The following NAALADL2 variants were observed in gnomAD, a reference collection of about 807,000 sequenced individuals.
The protein encoded by NAALADL2 is inactive N-acetylated-alpha-linked acidic dipeptidase-like protein 2.
NAALADL2 carries 76 observed loss-of-function variants against 87.2 expected under a neutral mutation model. The observed-to-expected ratio is 0.87, with a 90% CI of 0.72 to 1.05. NAALADL2 has a LOEUF of 1.05. Ranked by LOEUF, NAALADL2 falls within the 50% of genes least tolerant of loss-of-function variation. The pLI is 0.00. For missense variants in NAALADL2, 1,089 were observed against 945.8 expected (o/e 1.15, Z -1.99); for synonymous variants, 354 against 331.0 (o/e 1.07, Z -0.75).
intron 3 of NAALADL2, among the ~76,000 whole-genome samples, chr3:174,780,752 G>A (rs1234330270): frequency 2.6e-5 from 4 of 151,630 alleles, no homozygotes; most frequent in Non-Finnish European, 4.4e-5. Context: ...TGTTTTTTTT[G>A]TCATTGGGGC....
rs189487629 is a variant in NAALADL2 at position 174,779,108 on chromosome 3, G to A, written c.-9+41362G>A. On this transcript the variant is annotated intron_variant, in intron 3 of 3. Transcript: ENST00000434257. ...ACACTCTCACCAACATTGTAAAAGT[G>A]TTCCTATTTTTCCACATTCTCTCCA... Among the ~76,000 whole-genome samples, 368 of 152,270 alleles carry A rather than the reference G, an allele frequency of 2.4e-3. 2 individuals are homozygous for A. Among genetic ancestry groups the A allele is most frequent in the African/African-American group, 8.3e-3 (345 of 41,552 alleles).
At chr3:175,213,279 C>A (rs1742032899) in intron 2 of NAALADL2, among the ~76,000 whole-genome samples, 1 of 151,962 alleles carries the variant, frequency 6.6e-6, no homozygotes, top group African/African-American at 2.4e-5. Flanking sequence ...TAGGCTGTGA[C>A]AAACCTAAAC....
At position 175,806,162 on chromosome 3, in the gene NAALADL2, T is replaced by C. The variant is rs1001557089; in HGVS notation, c.*2959T>C. ...TTGCATGGGCTGGAAACACTGCTTTTAATTCAAGGCTAGTTCATTCTCTGA... is the reference window on the plus strand; with the variant it reads ...TTGCATGGGCTGGAAACACTGCTTTCAATTCAAGGCTAGTTCATTCTCTGA... On this transcript the variant is annotated 3_prime_UTR_variant, in exon 14 of 14. Coordinates refer to ENST00000454872, the MANE Select transcript of NAALADL2 (RefSeq NM_207015.3). 6.6e-6 allele frequency: 1 copy of C among 151,904 alleles called. No individual in the cohort carries two copies. The highest frequency in any genetic ancestry group is 2.4e-5 in the African/African-American group (1 of 41,392). 9.4% of individuals were successfully genotyped at this position (151,904 alleles called of 1,614,324 possible). A position where few individuals can be genotyped will look rare whatever the true frequency, so the allele number is the denominator to read the frequency against.
At chr3:174,658,008 T>A (rs1240845199) in intron 2 of NAALADL2, among the ~76,000 whole-genome samples, 3 of 152,226 alleles carry the variant, frequency 2.0e-5, no homozygotes, top group Admixed American at 2.0e-4. Flanking sequence ...CTTGATATAC[T>A]ACAGTTTATT....
chr3:175,557,144 T>C (rs1282769208), intron 9 of NAALADL2, among the ~76,000 whole-genome samples: 1 of 152,234 alleles, frequency 6.6e-6, no homozygotes, highest in Non-Finnish European at 1.5e-5. Flanking sequence ...CAACTCAAAA[T>C]CTGCTGTAAA....
At chr3:174,701,542 A>G (rs1462552726) in intron 2 of NAALADL2, among the ~76,000 whole-genome samples, 2 of 152,190 alleles carry the variant, frequency 1.3e-5, no homozygotes, top group African/African-American at 2.4e-5. Context: ...ATTCATCATT[A>G]CAATGTAATG....
intron 1 of NAALADL2, among the ~76,000 whole-genome samples, chr3:174,453,967 A>G (rs778767643): frequency 6.6e-6 from 1 of 152,198 alleles, no homozygotes; most frequent in African/African-American, 2.4e-5. Flanking sequence ...CAGAGTTGCA[A>G]GCTGGATAAA....
intron 2 of NAALADL2, among the ~76,000 whole-genome samples, chr3:174,606,412 A>T (rs898913775): frequency 6.6e-6 from 1 of 152,202 alleles, no homozygotes; most frequent in African/African-American, 2.4e-5. Flanking sequence ...AAAGAAGTTA[A>T]AAACTTTGAA....
chr3:175,619,229 A>G (rs1182291338), intron 10 of NAALADL2, among the ~76,000 whole-genome samples: 1 of 115,576 alleles, frequency 8.7e-6, no homozygotes, highest in African/African-American at 3.2e-5. Flanking sequence ...GAAAGAGAGA[A>G]AGAAAGAAAG....
intron 3 of NAALADL2, among the ~76,000 whole-genome samples, chr3:175,241,251 C>T (rs535080156): frequency 7.2e-5 from 11 of 151,872 alleles, no homozygotes; most frequent in South Asian, 2.1e-4. Flanking sequence ...GTTTTTAAGA[C>T]GGAGTTTTGC....
At chr3:174,929,347 G>A (rs1321373652) in intron 1 of NAALADL2, among the ~76,000 whole-genome samples, 1 of 152,174 alleles carries the variant, frequency 6.6e-6, no homozygotes, top group Non-Finnish European at 1.5e-5. Context: ...TGCTGTATCT[G>A]AGGAAATAAT....
chr3:175,452,064 A>G lies in NAALADL2; in HGVS notation c.1234+4692A>G, dbSNP rs1197845174. Among the ~76,000 whole-genome samples the G allele has an allele frequency of 2.5e-4, 38 of 152,152 alleles. 1 individual carries two copies. The highest frequency in any genetic ancestry group is 2.9e-5 in the Non-Finnish European group (2 of 68,002). On this transcript the variant is annotated intron_variant, in intron 6 of 13. Coordinates refer to ENST00000454872, the MANE Select transcript of NAALADL2 (RefSeq NM_207015.3). Reference sequence around the variant, plus strand: ...TATTTATTGGCAAATGGTGCCTTTTAGCTTTTCAAGAAATTTCTATTAAAA... The same window carrying G: ...TATTTATTGGCAAATGGTGCCTTTTGGCTTTTCAAGAAATTTCTATTAAAA...
chr3:174,818,456 T>C (rs1028820583), intron 3 of NAALADL2, among the ~76,000 whole-genome samples: 12 of 152,166 alleles, frequency 7.9e-5, no homozygotes, highest in Non-Finnish European at 1.5e-4. Context: ...TCATATATTT[T>C]ATCTAAAAAA....
At chr3:174,924,914 GTTGT>G (rs772693085) in intron 1 of NAALADL2, among the ~76,000 whole-genome samples, 44 of 152,136 alleles carry the variant, frequency 2.9e-4, no homozygotes, top group Non-Finnish European at 5.1e-4. Context: ...TTTTGATGGG[GTTGT>G]TTGTTTTTTT....
intron 1 of NAALADL2, among the ~76,000 whole-genome samples, chr3:174,882,584 CATAT>C (rs1729397787): frequency 7.3e-6 from 1 of 136,666 alleles, no homozygotes; most frequent in African/African-American, 3.4e-5. Context: ...TGCTTATACA[CATAT>C]GTGTATATAC....
At position 175,766,384 on chromosome 3, in the gene NAALADL2, A is replaced by G. The variant is rs529939303; in HGVS notation, c.2189+10966A>G. Reference sequence around the variant, plus strand: ...AGAGTTGTGGGCTGAAGACACCAAAAGACTCCAGAATAAGTCACTTAACTT... The same window carrying G: ...AGAGTTGTGGGCTGAAGACACCAAAGGACTCCAGAATAAGTCACTTAACTT... On this transcript the variant is annotated intron_variant, in intron 13 of 13. Coordinates refer to ENST00000454872, the MANE Select transcript of NAALADL2 (RefSeq NM_207015.3). Among the ~76,000 whole-genome samples the G allele has an allele frequency of 2.7e-3, 409 of 152,278 alleles. 1 individual carries two copies. Among genetic ancestry groups the G allele is most frequent in the African/African-American group, 9.2e-3 (384 of 41,574 alleles).
intron 1 of NAALADL2, among the ~76,000 whole-genome samples, chr3:174,904,408 T>A (rs1339643292): frequency 6.6e-6 from 1 of 151,830 alleles, no homozygotes; most frequent in African/African-American, 2.4e-5. Context: ...GAAAGTGCCT[T>A]GAAAGTTTGG....
intron 9 of NAALADL2, among the ~76,000 whole-genome samples, chr3:175,541,773 A>G (rs962267815): frequency 6.6e-6 from 1 of 152,106 alleles, no homozygotes; most frequent in Admixed American, 6.5e-5. Flanking sequence ...CCCAGGCTAG[A>G]GTGCAGTGGC....
At chr3:175,203,617 GCT>G (rs75915535) in intron 2 of NAALADL2, among the ~76,000 whole-genome samples, 67,850 of 151,774 alleles carry the variant, frequency 0.45, 16,615 homozygotes, top group Non-Finnish European at 0.54. Context: ...TCCTCATGCT[GCT>G]CTGTCCTGAA....
Sources: gnomAD v4.1 joint callset for allele counts (sites outside exome capture counted in the v4.1 genomes callset) on GRCh38, gnomAD v4.1.1 for gene constraint, MANE v1.5 for transcripts, NCBI Gene and HGNC (gene_info 2026-07-23, HGNC 2026-07-21) for gene names.